Variants in DENND2A observed in about 807,000 individuals in gnomAD.
DENND2A encodes the protein DENN domain containing 2A.
A neutral mutation model predicts 105.3 loss-of-function variants in DENND2A; 53 were observed. That is an observed-to-expected ratio of 0.50 (90% CI 0.40 to 0.63). DENND2A has a LOEUF of 0.63. DENND2A is among the 30% of genes least tolerant of loss of function. The pLI is 0.00. For missense variants in DENND2A, 1,138 were observed against 1,279.6 expected (o/e 0.89, Z 1.69); for synonymous variants, 522 against 508.4 (o/e 1.03, Z -0.36).
At position 140,523,779 on chromosome 7, in the gene DENND2A, G is replaced by A. The variant is rs1795947069; in HGVS notation, c.2548-355C>T. ...TTAGTAGTTTAGTTTCACCATGTTA[G>A]CCAGGCTGGTCTCGAACTCCTGACC... On this transcript the variant is annotated intron_variant, in intron 16 of 19. Coordinates refer to ENST00000496613, the MANE Select transcript of DENND2A (RefSeq NM_015689.5). This position sits in a 1 kb window ranked among gnomAD's most constrained non-coding sequence, Gnocchi z 4.5. Among the ~76,000 whole-genome samples the A allele has an allele frequency of 1.3e-5, 2 of 152,100 alleles. No homozygotes were observed. The highest frequency in any genetic ancestry group is 4.1e-4 in the South Asian group (2 of 4,828).
At chr7:140,568,489 G>A (rs1371832888) in intron 8 of DENND2A, among the ~76,000 whole-genome samples, 1 of 152,166 alleles carries the variant, frequency 6.6e-6, no homozygotes, top group Non-Finnish European at 1.5e-5. Flanking sequence ...CTTGAAGTGT[G>A]GAAAACCCTC....
At chr7:140,533,912 G>A (rs6951170) in intron 14 of DENND2A, among the ~76,000 whole-genome samples, 50,868 of 151,416 alleles carry the variant, frequency 0.34, 8,938 homozygotes, top group African/African-American at 0.43. Context: ...TGTAGCCCTC[G>A]TCAACGTTTT....
At chr7:140,617,959 G>A (rs1188313807) in intron 1 of DENND2A, among the ~76,000 whole-genome samples, 2 of 152,202 alleles carry the variant, frequency 1.3e-5, no homozygotes, top group African/African-American at 4.8e-5. Flanking sequence ...GGCTAGCTTA[G>A]TAGTTTAGAA....
At chr7:140,566,325 C>T (rs1797834537) in intron 9 of DENND2A, among the ~76,000 whole-genome samples, 1 of 152,166 alleles carries the variant, frequency 6.6e-6, no homozygotes, top group Admixed American at 6.5e-5. Flanking sequence ...AGTCACCGCG[C>T]CTGGCCTCCT....
chr7:140,595,842 G>A (rs1172054248), intron 3 of DENND2A, among the ~76,000 whole-genome samples: 2 of 151,906 alleles, frequency 1.3e-5, no homozygotes, highest in African/African-American at 4.8e-5. Flanking sequence ...AGAAATCAAG[G>A]ATGCCACGCG....
At chr7:140,581,080 T>C (rs1434489188) in intron 5 of DENND2A, among the ~76,000 whole-genome samples, 117 of 151,904 alleles carry the variant, frequency 7.7e-4, no homozygotes, top group Non-Finnish European at 2.7e-4. Context: ...CTGGCCAACA[T>C]GGTGAAACCC....
chr7:140,553,005 C>T (rs1319368679), intron 12 of DENND2A, among the ~76,000 whole-genome samples: 2 of 152,000 alleles, frequency 1.3e-5, no homozygotes, highest in African/African-American at 4.8e-5. Flanking sequence ...GTTGCCCCTC[C>T]ACACCTGTTG....
At chr7:140,565,683 C>T (rs1797807490) in intron 9 of DENND2A, among the ~76,000 whole-genome samples, 1 of 152,174 alleles carries the variant, frequency 6.6e-6, no homozygotes, top group African/African-American at 2.4e-5. Context: ...GTGTGAACCA[C>T]AGCGAGTCCA....
intron 1 of DENND2A, among the ~76,000 whole-genome samples, chr7:140,617,877 A>G (rs924889676): frequency 6.6e-6 from 1 of 152,128 alleles, no homozygotes; most frequent in Non-Finnish European, 1.5e-5. Context: ...GATGCATATC[A>G]TTCTCACTTT....
At chr7:140,599,583 A>T (rs933962554) in intron 3 of DENND2A, among the ~76,000 whole-genome samples, 1 of 152,100 alleles carries the variant, frequency 6.6e-6, no homozygotes, top group Non-Finnish European at 1.5e-5. Flanking sequence ...AACACAATTT[A>T]GTTGCTTGTC....
At chr7:140,536,069 A>T (rs1317715088) in intron 14 of DENND2A, among the ~76,000 whole-genome samples, 1 of 152,134 alleles carries the variant, frequency 6.6e-6, no homozygotes, top group Non-Finnish European at 1.5e-5. Flanking sequence ...ATTCATAGAG[A>T]AGGCCGGGCA....
chr7:140,563,548 A>G (rs1440855985), intron 9 of DENND2A, among the ~76,000 whole-genome samples: 1 of 151,982 alleles, frequency 6.6e-6, no homozygotes, highest in African/African-American at 2.4e-5. Context: ...ACCCACAAAA[A>G]AAGTTTAAAA....
At chr7:140,591,690 T>TTCC (rs1799031971) in intron 3 of DENND2A, among the ~76,000 whole-genome samples, 1 of 138,586 alleles carries the variant, frequency 7.2e-6, no homozygotes, top group Non-Finnish European at 1.6e-5. Context: ...TCTTTCTTTC[T>TTCC]TTCCTTCCTT....
At chr7:140,521,130 C>T (rs560629852) in intron 18 of DENND2A, among the ~76,000 whole-genome samples, 1 of 152,230 alleles carries the variant, frequency 6.6e-6, no homozygotes, top group East Asian at 1.9e-4. Flanking sequence ...CCTGCCTTGG[C>T]CTCCGAAAGT....
intron 5 of DENND2A, among the ~76,000 whole-genome samples, chr7:140,584,657 C>T (rs1039876021): frequency 6.6e-6 from 1 of 152,182 alleles, no homozygotes; most frequent in Non-Finnish European, 1.5e-5. Context: ...AGAAGGTCAG[C>T]CTTCCCCCTG....
rs192395859 is a variant in DENND2A, at chr7:140,605,723, C to G, written c.-164G>C. The stretch of plus-strand genomic sequence containing the variant: ...TTCTTACTTGTCAGCCAATTTGTAG[C>G]TCAGGTTTTCAGTCTGGCTGTGGCT... On this transcript the variant is annotated 5_prime_UTR_variant, in exon 2 of 20. Coordinates refer to ENST00000496613, the MANE Select transcript of DENND2A (RefSeq NM_015689.5). The G allele has an allele frequency of 2.0e-5, 3 of 152,372 alleles. No homozygotes were observed. Among genetic ancestry groups the G allele is most frequent in the African/African-American group, 7.2e-5 (3 of 41,562 alleles). The allele number at this position is 152,372 out of a possible 1,614,324, so 9.4% of individuals were successfully genotyped here. A position where few individuals can be genotyped will look rare whatever the true frequency, so the allele number is the denominator to read the frequency against.
At position 140,519,721 on chromosome 7, in the gene DENND2A, G is replaced by A; in HGVS notation, c.2912-3C>T. ...TTGGGCTCGGACCTCAAACAGACCT[G>A]TTAACAAGAGAAATCCCAGCCATTT... On this transcript the variant is annotated splice_region_variant and splice_polypyrimidine_tract_variant and intron_variant, in intron 18 of 19. Coordinates refer to ENST00000496613, the MANE Select transcript of DENND2A (RefSeq NM_015689.5). 2 of 1,613,764 alleles carry A rather than the reference G, an allele frequency of 1.2e-6. No individual in the cohort carries two copies. Among genetic ancestry groups the A allele is most frequent in the Non-Finnish European group, 1.7e-6 (2 of 1,179,668 alleles).
chr7:140,607,229 T>A (rs554122712), intron 1 of DENND2A, among the ~76,000 whole-genome samples: 1 of 152,060 alleles, frequency 6.6e-6, no homozygotes, highest in Non-Finnish European at 1.5e-5. Flanking sequence ...CTGGGCATCC[T>A]CTCCCTCCCG....
At chr7:140,607,945 G>A (rs574150541) in intron 1 of DENND2A, among the ~76,000 whole-genome samples, 1 of 152,134 alleles carries the variant, frequency 6.6e-6, no homozygotes, top group Non-Finnish European at 1.5e-5. Context: ...TGCCGTCATC[G>A]AGAGCACCAG....
Sources: gnomAD v4.1 joint callset for allele counts (sites outside exome capture counted in the v4.1 genomes callset) on GRCh38, gnomAD v4.1.1 for gene constraint, Gnocchi (gnomAD v3.1) non-coding constraint, MANE v1.5 for transcripts, NCBI Gene and HGNC (gene_info 2026-07-23, HGNC 2026-07-21) for gene names.